TNNC2: variants seen among roughly 807,000 people sequenced by gnomAD.
The protein encoded by TNNC2 is troponin C, skeletal muscle.
In TNNC2, 14 loss-of-function variants were observed where a neutral mutation model predicts 20.0. The observed-to-expected ratio is 0.70, with a 90% CI of 0.46 to 1.09. The LOEUF is 1.09. Among genes scored for constraint, TNNC2 ranks in the 50% least tolerant of loss-of-function variants. The pLI, the probability that TNNC2 is intolerant of heterozygous loss-of-function variation, is 0.00. For missense variants in TNNC2, 163 were observed against 223.8 expected, an observed-to-expected ratio of 0.73 and a Z score of 1.73; for synonymous variants, 81 against 77.3, an observed-to-expected ratio of 1.05 and a Z score of -0.25.
chr20:45,823,412 C>T lies in TNNC2; in HGVS notation c.452-33G>A. On this transcript the variant is annotated intron_variant, in intron 5 of 5. Coordinates refer to ENST00000372555, the MANE Select transcript of TNNC2 (RefSeq NM_003279.3). This position sits in a 1 kb window ranked among gnomAD's most constrained non-coding sequence, Gnocchi z 4.6. ...AAAGGAGAGGGAGAGGGTCAGGGGT[C>T]CCACTGGGGACGCAGAGGCCAGGCC... The T allele has an allele frequency of 1.3e-6, 2 of 1,583,052 alleles. No homozygotes were observed. The highest frequency in any genetic ancestry group is 8.6e-7 in the Non-Finnish European group (1 of 1,164,938).
At position 45,824,483 on chromosome 20, in the gene TNNC2, A is replaced by T. The variant is rs780640552; in HGVS notation, c.199+12T>A. On this transcript the variant is annotated intron_variant, in intron 3 of 5. Coordinates refer to ENST00000372555, the MANE Select transcript of TNNC2 (RefSeq NM_003279.3). ...CCCCACCATCCCCTGCCTCCGAGGG[A>T]CACCCGCTCACCGTCCTCATCCACC... is the stretch of plus-strand genomic sequence containing the variant. 3 of 1,613,072 alleles carry T rather than the reference A, an allele frequency of 1.9e-6. No individual in the cohort carries two copies. The highest frequency in any genetic ancestry group is 3.3e-5 in the Admixed American group (2 of 59,992).
At chr20:45,829,894 C>A (rs2742654), upstream of TNNC2, among the ~76,000 whole-genome samples, 101,694 of 151,304 alleles carry the variant, frequency 0.67, 34,286 homozygotes, top group Admixed American at 0.74. Context: ...GGCATGAGCC[C>A]CTGAGCCCAG....
In TNNC2 at chr20:45,823,509, C is replaced by A; in HGVS notation, c.452-130G>T. 1.2e-6 allele frequency: 1 copy of A among 806,704 alleles called. No homozygotes were observed. The highest frequency in any genetic ancestry group is 1.9e-6 in the Non-Finnish European group (1 of 521,566). The allele number at this position is 806,704 out of a possible 1,614,324, so 50.0% of individuals were successfully genotyped here. Reference sequence around the variant, plus strand: ...TTGAGACAGAGTCTCACTCTGTTGCCAAGGTCGCCAAGGTCTGTCACCCAG... The same window carrying A: ...TTGAGACAGAGTCTCACTCTGTTGCAAAGGTCGCCAAGGTCTGTCACCCAG... On this transcript the variant is annotated intron_variant, in intron 5 of 5. Coordinates refer to ENST00000372555, the MANE Select transcript of TNNC2 (RefSeq NM_003279.3). The surrounding 1 kb of genome is among the most constrained non-coding windows in gnomAD (Gnocchi z 4.6).
chr20:45,827,299 C>T lies in TNNC2; in HGVS notation c.-51G>A, dbSNP rs1400247773. 1 of 1,613,642 alleles carries T rather than the reference C, an allele frequency of 6.2e-7. No homozygotes were observed. The highest frequency in any genetic ancestry group is 8.5e-7 in the Non-Finnish European group (1 of 1,179,784). On this transcript the variant is annotated 5_prime_UTR_variant, in exon 1 of 6. Transcript: ENST00000372555. ...GTTGCAGGTCGCCTCCTTTGCACTC[C>T]ACCACCCAAAGATGACCTGGCCTGC...
At chr20:45,833,227 G>C (rs1476671728) in intron 2 of TNNC2, 1 of 152,234 alleles carries the variant, frequency 6.6e-6, no homozygotes, top group Non-Finnish European at 1.5e-5. Flanking sequence ...CTGGCAAGCT[G>C]TGTGGTTAAG....
At chr20:45,832,793 T>C (rs1401222428) in intron 2 of TNNC2, among the ~76,000 whole-genome samples, 1 of 152,146 alleles carries the variant, frequency 6.6e-6, no homozygotes, top group African/African-American at 2.4e-5. Context: ...GGATAAAAGA[T>C]AAAACAAAGC....
In TNNC2 at chr20:45,824,055, G is replaced by A. The variant is rs1283054368; in HGVS notation, c.387C>T (p.Asp129=). 9.9e-6 allele frequency: 16 copies of A among 1,614,056 alleles called. No homozygotes were observed. Among genetic ancestry groups the A allele is most frequent in the Non-Finnish European group, 1.4e-5 (16 of 1,179,988 alleles). The change falls in exon 5 of 6, where the codon GAC becomes GAT. Residue 129 remains aspartate (D), a synonymous_variant. Coordinates refer to ENST00000372555, the MANE Select transcript of TNNC2 (RefSeq NM_003279.3). ...CTTTCATCAGAGATTCGATCTCCTC[G>A]TCCGTCACGTGCTCCCCGGAGGCCC... ...IFRASGEHVT[D]EEIESLMKDG... is the part of the protein sequence containing the mutation.
intron 2 of TNNC2, among the ~76,000 whole-genome samples, chr20:45,832,982 A>G (rs1271547625): frequency 6.6e-6 from 1 of 152,296 alleles, no homozygotes; most frequent in East Asian, 1.9e-4. Flanking sequence ...TCTCTACAAA[A>G]AATACAAAAA....
upstream of TNNC2, among the ~76,000 whole-genome samples, chr20:45,829,951 C>T (rs1333166071): frequency 6.6e-6 from 1 of 151,864 alleles, no homozygotes; most frequent in Admixed American, 6.6e-5. Flanking sequence ...GCCCAAATTG[C>T]TTAATGTAGC....
intron 1 of TNNC2, among the ~76,000 whole-genome samples, chr20:45,825,293 G>C (rs950648284): frequency 6.8e-6 from 1 of 146,378 alleles, no homozygotes; most frequent in Admixed American, 6.8e-5. Flanking sequence ...CCCAGTTTTT[G>C]TTTTTGCTTT....
In TNNC2 at chr20:45,824,092, G is replaced by A. The variant is rs780412349; in HGVS notation, c.350C>T (p.Ala117Val). ...ADGYIDPEEL[A>V]EIFRASGEHV... ...CTCCCCGGAGGCCCTGAAAATCTCA[G>A]CCAGCTCCTCCGGGTCGATGTAGCC... The change falls in exon 5 of 6, where the codon GCT (alanine) becomes GTT (valine). Residue 117 changes from alanine to valine, a missense_variant. Transcript: ENST00000372555. 1 of 1,614,060 alleles carries A rather than the reference G, an allele frequency of 6.2e-7. No homozygotes were observed. The highest frequency in any genetic ancestry group is 1.3e-5 in the African/African-American group (1 of 75,054).
In TNNC2 at chr20:45,824,781, ACCAGCGATCAT is replaced by A; in HGVS notation, c.46_55+1del. 1 of 1,585,050 alleles carries A rather than the reference ACCAGCGATCAT, an allele frequency of 6.3e-7. No homozygotes were observed. The highest frequency in any genetic ancestry group is 1.1e-5 in the South Asian group (1 of 90,296). On this transcript the variant is annotated splice_donor_variant and coding_sequence_variant, in exon 2 of 6. Transcript: ENST00000372555. LOFTEE classifies it high-confidence loss of function. Reference sequence around the variant, plus strand: ...GCCCCCAGCCTGCCGCGCCTCACTCACCAGCGATCATCTCTTCGCTGAGGTAGGACCTGGCC... The same window carrying A: ...GCCCCCAGCCTGCCGCGCCTCACTCACTCTTCGCTGAGGTAGGACCTGGCC...
At position 45,823,243 on chromosome 20, in the gene TNNC2, G is replaced by A; in HGVS notation, c.*105C>T. 8.8e-7 allele frequency: 1 copy of A among 1,142,048 alleles called. No homozygotes were observed. Among genetic ancestry groups the A allele is most frequent in the East Asian group, 2.9e-5 (1 of 34,402 alleles). 70.7% of individuals were successfully genotyped at this position (1,142,048 alleles called of 1,614,324 possible). A position where few individuals can be genotyped will look rare whatever the true frequency, so the allele number is the denominator to read the frequency against. ...GGAACATTTGCTTTTATTCCTTCCA[G>A]ACAAAGACCCACAAGGGGTCGCGCC... On this transcript the variant is annotated 3_prime_UTR_variant, in exon 6 of 6. Coordinates refer to ENST00000372555, the MANE Select transcript of TNNC2 (RefSeq NM_003279.3). This position sits in a 1 kb window ranked among gnomAD's most constrained non-coding sequence, Gnocchi z 4.6.
intron 1 of TNNC2, among the ~76,000 whole-genome samples, chr20:45,826,240 A>C (rs1389861971): frequency 2.0e-5 from 3 of 152,240 alleles, no homozygotes; most frequent in African/African-American, 7.2e-5. Flanking sequence ...GTTATTGAGT[A>C]CTTGCTGCAT....
upstream of TNNC2, among the ~76,000 whole-genome samples, chr20:45,830,819 C>T (rs1381057843): frequency 1.3e-5 from 2 of 152,108 alleles, no homozygotes; most frequent in Non-Finnish European, 2.9e-5. Flanking sequence ...AGCTAGATGA[C>T]CATTTCTCAG....
upstream of TNNC2, among the ~76,000 whole-genome samples, chr20:45,829,160 GTT>G (rs57079984): frequency 1.6e-3 from 160 of 98,262 alleles, no homozygotes; most frequent in Middle Eastern, 6.6e-3. Flanking sequence ...TTTGTTTTTG[GTT>G]TTTTTTTTTT....
intron 1 of TNNC2, among the ~76,000 whole-genome samples, chr20:45,825,065 C>T (rs937350896): frequency 1.3e-5 from 2 of 152,186 alleles, no homozygotes; most frequent in African/African-American, 4.8e-5. Flanking sequence ...CTCACTGCAG[C>T]CTCAACCTCC....
In TNNC2 at chr20:45,823,911, A is replaced by C. The variant is rs989529171; in HGVS notation, c.451+80T>G. The stretch of plus-strand genomic sequence containing the variant: ...CAGCCCAGCCCACAAGGCCAAGGAC[A>C]CTGCACCGGAGCCAGGCACCAGTGC... On this transcript the variant is annotated intron_variant, in intron 5 of 5. Transcript: ENST00000372555. This position sits in a 1 kb window ranked among gnomAD's most constrained non-coding sequence, Gnocchi z 4.6. 2.8e-5 allele frequency: 44 copies of C among 1,596,996 alleles called. 1 individual carries two copies. Among genetic ancestry groups the C allele is most frequent in the Non-Finnish European group, 3.7e-5 (43 of 1,170,804 alleles).
chr20:45,827,210 C>T (rs1360803007), intron 1 of TNNC2, 36 bp downstream of exon 1: 25 of 1,613,944 alleles, frequency 1.5e-5, no homozygotes, highest in East Asian at 6.7e-5. Context: ...AGAGTGCTCC[C>T]GTGAGTAAAG....
Sources: gnomAD v4.1 joint callset for allele counts (sites outside exome capture counted in the v4.1 genomes callset) on GRCh38, gnomAD v4.1.1 for gene constraint, Gnocchi (gnomAD v3.1) non-coding constraint, MANE v1.5 for transcripts, NCBI Gene and HGNC (gene_info 2026-07-23, HGNC 2026-07-21) for gene names.